Variants in WNT10A observed in about 807,000 individuals in gnomAD.
The protein encoded by WNT10A is Wnt family member 10A, also known as protein Wnt-10a.
In WNT10A, 37 loss-of-function variants were observed where a neutral mutation model predicts 36.1. The observed-to-expected ratio is 1.02, with a 90% CI of 0.79 to 1.35. The LOEUF (loss-of-function observed/expected upper bound fraction) is 1.35. WNT10A is among the 40% of genes most tolerant of loss of function. The pLI is 0.00. For synonymous variants in WNT10A, 255 were observed against 254.1 expected (o/e 1.00, Z -0.03); for missense variants, 613 against 601.4 (o/e 1.02, Z -0.20).
At chr2:218,881,987 T>C (rs150795248) in intron 1 of WNT10A, among the ~76,000 whole-genome samples, 174 bp from the exon 2 acceptor site, 1 of 152,230 alleles carries the variant, frequency 6.6e-6, no homozygotes, top group East Asian at 1.9e-4. Context: ...GCAGGATGAT[T>C]GTGAGGAGGT....
At chr2:218,889,957 C>T in intron 2 of WNT10A, 27 bp from the exon 3 acceptor site, 2 of 1,611,716 alleles carry the variant, frequency 1.2e-6, no homozygotes, top group East Asian at 4.5e-5. Flanking sequence ...CCTCCAGAGT[C>T]CATGTGTTCT....
At chr2:218,882,446 C>T in intron 2 of WNT10A, 23 bp downstream of exon 2, 1 of 1,613,546 alleles carries the variant, frequency 6.2e-7, no homozygotes, top group Non-Finnish European at 8.5e-7. Context: ...CACCCCTGCC[C>T]CTGCCTGCCC....
rs1944523092 is a variant in WNT10A at position 218,882,067 on chromosome 2, G to A, written c.114-94G>A. 6.4e-5 allele frequency: 96 copies of A among 1,501,864 alleles called. No homozygotes were observed. In the South Asian group the frequency reaches 1.2e-3, roughly 19 times the overall value. The allele number at this position is 1,501,864 out of a possible 1,614,324, so 93.0% of individuals were successfully genotyped here. ...TCAGAAGCAGAGGTTGGAAGAGGGA[G>A]TGATTATGGCCGTTGGGACAGAGTG... On this transcript the variant is annotated intron_variant, in intron 1 of 3. Coordinates refer to ENST00000258411, the MANE Select transcript of WNT10A (RefSeq NM_025216.3).
chr2:218,882,181 T>C lies in WNT10A; in HGVS notation c.134T>C (p.Leu45Pro). The change falls in exon 2 of 4, where the codon CTG (leucine) becomes CCG (proline). Residue 45 changes from leucine (L) to proline (P), a missense_variant. Leu to Pro is a moderately conservative substitution (Grantham distance 98). Transcript: ENST00000258411. ...TGCAGGTCAGCACCCAATGACATTCTGGACCTCCGCCTCCCCCCGGAGCCC... is the reference window on the plus strand; with the variant it reads ...TGCAGGTCAGCACCCAATGACATTCCGGACCTCCGCCTCCCCCCGGAGCCC... ...AMPRSAPNDI[L>P]DLRLPPEPVL... 1 of 1,614,118 alleles carries C rather than the reference T, an allele frequency of 6.2e-7. No individual in the cohort carries two copies.
At chr2:218,888,331 G>C (rs2106015139) in intron 2 of WNT10A, among the ~76,000 whole-genome samples, 1 of 152,350 alleles carries the variant, frequency 6.6e-6, no homozygotes, top group Non-Finnish European at 1.5e-5. Flanking sequence ...GCCTCCCCCT[G>C]CCACAGGTCC....
chr2:218,875,122 C>T, the WNT10A span, among the ~76,000 whole-genome samples: 1 of 131,938 alleles, frequency 7.6e-6, no homozygotes, highest in African/African-American at 2.7e-5. Context: ...GCATGTTAGC[C>T]TTAGGATAGT....
At chr2:218,891,504 G>A (rs1361482487) in intron 3 of WNT10A, among the ~76,000 whole-genome samples, 1 of 152,086 alleles carries the variant, frequency 6.6e-6, no homozygotes, top group Non-Finnish European at 1.5e-5. Flanking sequence ...CTTAGAGGCG[G>A]GGTAAACTGA....
intron 3 of WNT10A, 35 bp downstream of exon 3, chr2:218,890,398 CTT>C (rs2106016622): frequency 6.3e-7 from 1 of 1,598,986 alleles, no homozygotes; most frequent in Non-Finnish European, 8.5e-7. Context: ...CTTCAAATCT[CTT>C]TGCCTAGGGC....
intron 3 of WNT10A, among the ~76,000 whole-genome samples, chr2:218,891,744 A>T (rs1251701715): frequency 6.6e-6 from 1 of 152,140 alleles, no homozygotes; most frequent in Non-Finnish European, 1.5e-5. Context: ...CAGGCTGCGC[A>T]TGCACGCTGT....
At chr2:218,887,598 A>T (rs1344400641) in intron 2 of WNT10A, among the ~76,000 whole-genome samples, 1 of 152,170 alleles carries the variant, frequency 6.6e-6, no homozygotes, top group East Asian at 1.9e-4. Context: ...ATGTACTGAG[A>T]TGCCATGAGA....
chr2:218,889,105 C>T (rs1468163713), intron 2 of WNT10A, among the ~76,000 whole-genome samples: 1 of 152,164 alleles, frequency 6.6e-6, no homozygotes, highest in African/African-American at 2.4e-5. Context: ...TCCCCAAAGT[C>T]CATTGTGTCA....
upstream of WNT10A, among the ~76,000 whole-genome samples, chr2:218,879,717 G>C (rs892006348): frequency 6.6e-6 from 1 of 152,218 alleles, no homozygotes; most frequent in Non-Finnish European, 1.5e-5. Context: ...TGTTGGGGAG[G>C]CAGCTGCTGC....
chr2:218,881,185 G>T, intron 1 of WNT10A, 77 bp downstream of exon 1: 6 of 1,542,208 alleles, frequency 3.9e-6, no homozygotes, highest in Non-Finnish European at 5.3e-6. Flanking sequence ...GCTCTTGCTG[G>T]GGTAGAGGAC....
At chr2:218,883,440 G>A (rs1944540894) in intron 2 of WNT10A, among the ~76,000 whole-genome samples, 3 of 152,048 alleles carry the variant, frequency 2.0e-5, no homozygotes, top group African/African-American at 4.8e-5. Context: ...AGAAAGCCGC[G>A]GCCCTTCCCT....
Position 218,882,182 on chromosome 2 carries a change from G to T in WNT10A, c.135G>T (p.Leu45=), listed in dbSNP as rs1479630822. The change falls in exon 2 of 4, where the codon CTG becomes CTT. Residue 45 remains leucine (L), a synonymous_variant. Coordinates refer to ENST00000258411, the MANE Select transcript of WNT10A (RefSeq NM_025216.3). The part of the protein sequence containing the change: ...AMPRSAPNDI[L]DLRLPPEPVL... ...GCAGGTCAGCACCCAATGACATTCT[G>T]GACCTCCGCCTCCCCCCGGAGCCCG... 8.1e-6 allele frequency: 13 copies of T among 1,614,054 alleles called. No homozygotes were observed. Among genetic ancestry groups the T allele is most frequent in the Non-Finnish European group, 1.0e-5 (12 of 1,179,974 alleles).
intron 2 of WNT10A, among the ~76,000 whole-genome samples, chr2:218,889,763 C>T (rs990786461): frequency 2.0e-5 from 3 of 152,234 alleles, no homozygotes; most frequent in African/African-American, 4.8e-5. Flanking sequence ...GTACAAAAAG[C>T]AGAGGGCTAT....
intron 2 of WNT10A, among the ~76,000 whole-genome samples, chr2:218,888,554 T>C (rs987120155): frequency 6.6e-6 from 1 of 152,230 alleles, no homozygotes; most frequent in Non-Finnish European, 1.5e-5. Context: ...TGCAGGACCC[T>C]GGGCTTCCCT....
the WNT10A span, among the ~76,000 whole-genome samples, chr2:218,875,527 G>A: frequency 4.6e-5 from 7 of 152,132 alleles, no homozygotes; most frequent in Non-Finnish European, 7.3e-5. Flanking sequence ...CAAACTTGAA[G>A]GCAGAAGCTG....
chr2:218,887,090 A>G (rs987010774), intron 2 of WNT10A, among the ~76,000 whole-genome samples: 2 of 152,188 alleles, frequency 1.3e-5, no homozygotes, highest in South Asian at 2.1e-4. Context: ...GTCGATAGGA[A>G]CTAGAAACTG....
Sources: allele counts gnomAD v4.1 joint callset (sites outside exome capture counted in the v4.1 genomes callset), GRCh38; gene constraint gnomAD v4.1.1; transcripts MANE v1.5; gene names NCBI Gene and HGNC (gene_info 2026-07-23, HGNC 2026-07-21).